The following GSAP variants were observed in gnomAD, a reference collection of about 807,000 sequenced individuals.
GSAP encodes gamma-secretase-activating protein.
GSAP carries 118 observed loss-of-function variants against 131.7 expected under a neutral mutation model. The ratio of observed to expected loss-of-function variants is 0.90; its 90% CI spans 0.77 to 1.04. The LOEUF (loss-of-function observed/expected upper bound fraction) is 1.04, where lower values mean the gene tolerates loss of function less well. Ranked by LOEUF, GSAP falls within the 50% of genes least tolerant of loss-of-function variation. The probability of loss-of-function intolerance (pLI) is 0.00; values close to 1 mark genes in which losing one functional copy is unlikely to be tolerated. For synonymous variants in GSAP, 381 were observed against 363.4 expected (o/e 1.05, Z -0.55); for missense variants, 1,019 against 1,013.2 (o/e 1.01, Z -0.08).
chr7:77,335,551 C>T (rs1441074871), intron 19 of GSAP, among the ~76,000 whole-genome samples: 1 of 152,136 alleles, frequency 6.6e-6, no homozygotes, highest in Non-Finnish European at 1.5e-5. Flanking sequence ...CCCATCACAA[C>T]TATTCACTGA....
chr7:77,391,563 C>T (rs974990999), intron 5 of GSAP, among the ~76,000 whole-genome samples: 5 of 152,180 alleles, frequency 3.3e-5, no homozygotes, highest in African/African-American at 7.2e-5. Context: ...GGTGCTCACG[C>T]CTGTAATCCC....
chr7:77,379,933 A>G (rs572913415), intron 8 of GSAP: 2 of 942,178 alleles, frequency 2.1e-6, no homozygotes, highest in South Asian at 4.9e-5. Flanking sequence ...TTTCTGTTTC[A>G]ATTTGTTCAC....
chr7:77,348,285 T>C (rs549094679), intron 19 of GSAP, among the ~76,000 whole-genome samples: 3 of 152,334 alleles, frequency 2.0e-5, no homozygotes, highest in Non-Finnish European at 2.9e-5. Context: ...TTTTAAACTA[T>C]TAATAAAACC....
intron 19 of GSAP, among the ~76,000 whole-genome samples, chr7:77,344,100 CAGGGTCTGCG>C (rs2150779787): frequency 6.6e-6 from 1 of 152,288 alleles, no homozygotes; most frequent in African/African-American, 2.4e-5. Context: ...GACTTTCCCA[CAGGGTCTGCG>C]AAGGCCACCG....
intron 16 of GSAP, 79 bp downstream of exon 16, chr7:77,355,134 C>T (rs1793464169): frequency 1.1e-6 from 1 of 920,878 alleles, no homozygotes; most frequent in Non-Finnish European, 1.7e-6. Context: ...AAAAATAACT[C>T]CTGACCATTT....
At chr7:77,401,930 A>T (rs192392682) in intron 3 of GSAP, among the ~76,000 whole-genome samples, 242 of 152,164 alleles carry the variant, frequency 1.6e-3, no homozygotes, top group Middle Eastern at 6.8e-3. Flanking sequence ...TGGTAATTAC[A>T]AGAATCTACA....
At chr7:77,386,792 CA>C (rs1173288690) in intron 6 of GSAP, among the ~76,000 whole-genome samples, 2 of 152,236 alleles carry the variant, frequency 1.3e-5, no homozygotes, top group Non-Finnish European at 2.9e-5. Context: ...TCACCGTGTT[CA>C]ACCTCAATTG....
In GSAP at chr7:77,311,419, A is replaced by G. The variant is rs1794335174; in HGVS notation, c.2504T>C (p.Val835Ala). The G allele has an allele frequency of 6.2e-7, 1 of 1,611,258 alleles. No individual in the cohort carries two copies. The change falls in exon 31 of 31, where the codon GTG (valine) becomes GCG (alanine). Residue 835 changes from valine (V) to alanine (A), a missense_variant. By Grantham distance (64) the Val-to-Ala change is moderately conservative. Transcript: ENST00000257626. ...TGCTTCCTCTACAAATTCTGCATCC[A>G]CATTGTCATGTCCTTCAAAAGGATA... ...ALYPFEGHDNVDAEFVEEAAL... is the reference protein window; with the variant it reads ...ALYPFEGHDNADAEFVEEAAL...
In GSAP at chr7:77,397,166, G is replaced by A. The variant is rs574548953; in HGVS notation, c.314-131C>T. 147 of 697,710 alleles carry A rather than the reference G, an allele frequency of 2.1e-4. No individual in the cohort carries two copies. The African/African-American group carries it at 2.3e-3, about 11-fold the overall frequency. 43.2% of individuals were successfully genotyped at this position (697,710 alleles called of 1,614,324 possible). A position where few individuals can be genotyped will look rare whatever the true frequency, so the allele number is the denominator to read the frequency against. On this transcript the variant is annotated intron_variant, in intron 4 of 30. Transcript: ENST00000257626. ...ACGGAAGATAAGGGCAGAACACAAA[G>A]CATTCTTTTTTGTAGGTATATCCTC... is the stretch of plus-strand genomic sequence containing the variant.
intron 3 of GSAP, among the ~76,000 whole-genome samples, chr7:77,401,546 A>T (rs929958065): frequency 1.3e-5 from 2 of 152,166 alleles, no homozygotes; most frequent in African/African-American, 4.8e-5. Context: ...CAGATGAAGA[A>T]AACTATGAAA....
intron 12 of GSAP, among the ~76,000 whole-genome samples, chr7:77,363,839 ACTTTT>A: frequency 6.6e-6 from 1 of 152,300 alleles, no homozygotes; most frequent in East Asian, 1.9e-4. Flanking sequence ...CACAATAACA[ACTTTT>A]CTTTACAATT....
chr7:77,355,657 A>G lies in GSAP; in HGVS notation c.1028-10T>C, dbSNP rs1005010601. Reference sequence around the variant, plus strand: ...ACAGCCACATAATAGTCTATAGAAGAGAAAGATTTACATCATCTACATGTG... The same window carrying G: ...ACAGCCACATAATAGTCTATAGAAGGGAAAGATTTACATCATCTACATGTG... On this transcript the variant is annotated splice_polypyrimidine_tract_variant and intron_variant, in intron 14 of 30. Coordinates refer to ENST00000257626, the MANE Select transcript of GSAP (RefSeq NM_017439.4). The G allele has an allele frequency of 2.1e-6, 3 of 1,425,152 alleles. No individual in the cohort carries two copies. Among genetic ancestry groups the G allele is most frequent in the Non-Finnish European group, 3.0e-6 (3 of 1,007,946 alleles). 88.3% of individuals were successfully genotyped at this position (1,425,152 alleles called of 1,614,324 possible).
chr7:77,312,676 T>TC (rs1794530471), intron 28 of GSAP, among the ~76,000 whole-genome samples: 1 of 152,182 alleles, frequency 6.6e-6, no homozygotes, highest in South Asian at 2.1e-4. Context: ...AAATATGCTT[T>TC]GTTTTCTATT....
chr7:77,397,143 G>A (rs2286156), intron 4 of GSAP, 108 bp from the exon 5 acceptor site: 115,025 of 742,828 alleles, frequency 0.15, 10,020 homozygotes, highest in South Asian at 0.27. Flanking sequence ...ATATGTCAAC[G>A]GAAGATAAGG....
At chr7:77,372,684 T>C (rs1796308300) in intron 12 of GSAP, among the ~76,000 whole-genome samples, 1 of 152,258 alleles carries the variant, frequency 6.6e-6, no homozygotes, top group East Asian at 1.9e-4. Context: ...CGGATGTTCA[T>C]TACATTTTTG....
At chr7:77,398,183 G>T (rs1800748929) in intron 3 of GSAP, among the ~76,000 whole-genome samples, 1 of 152,124 alleles carries the variant, frequency 6.6e-6, no homozygotes, top group Admixed American at 6.6e-5. Flanking sequence ...CCTCAGAAGA[G>T]AACCGACTAA....
chr7:77,397,517 C>T (rs1800617951), intron 3 of GSAP, 102 bp from the exon 4 acceptor site: 6 of 622,198 alleles, frequency 9.6e-6, no homozygotes, highest in Non-Finnish European at 1.7e-5. Context: ...ATTACTGGGG[C>T]AAAATATTTT....
chr7:77,359,209 A>AG (rs1563022448), intron 14 of GSAP, among the ~76,000 whole-genome samples: 1 of 152,028 alleles, frequency 6.6e-6, no homozygotes, highest in Non-Finnish European at 1.5e-5. Context: ...TCAAAAAAAA[A>AG]AAGAAACTAT....
At chr7:77,362,559 TA>T in intron 13 of GSAP, 23 bp downstream of exon 13, 1 of 1,244,232 alleles carries the variant, frequency 8.0e-7, no homozygotes, top group Non-Finnish European at 1.2e-6. Flanking sequence ...TATGTAAAAG[TA>T]ACAAAGAAGA....
Sources: gnomAD v4.1 joint callset for allele counts (sites outside exome capture counted in the v4.1 genomes callset) on GRCh38, gnomAD v4.1.1 for gene constraint, MANE v1.5 for transcripts, NCBI Gene and HGNC (gene_info 2026-07-23, HGNC 2026-07-21) for gene names.